Variants in CNTRL observed in about 807,000 individuals in gnomAD.
The protein encoded by CNTRL is 110 kDa centrosomal protein.
In CNTRL, 233 loss-of-function variants were observed where a neutral mutation model predicts 303.7. That is an observed-to-expected ratio of 0.77 (90% CI 0.69 to 0.86). The LOEUF (loss-of-function observed/expected upper bound fraction) is 0.86. Among genes scored for constraint, CNTRL ranks in the 40% least tolerant of loss-of-function variants. The pLI is 0.00. For missense variants in CNTRL, 2,524 were observed against 2,650.6 expected, an observed-to-expected ratio of 0.95 and a Z score of 1.05; for synonymous variants, 900 against 922.2, an observed-to-expected ratio of 0.98 and a Z score of 0.44.
chr9:121,141,487 A>G lies in CNTRL; in HGVS notation c.2590A>G (p.Arg864Gly), dbSNP rs1005694820. The G allele has an allele frequency of 2.5e-6, 4 of 1,614,148 alleles. No homozygotes were observed. Among genetic ancestry groups the G allele is most frequent in the Non-Finnish European group, 3.4e-6 (4 of 1,179,996 alleles). The change falls in exon 18 of 44, where the codon AGA becomes GGA. Residue 864 changes from arginine (R) to glycine (G), a missense_variant. Physicochemically the swap from Arg to Gly is moderately radical, Grantham distance 125. Coordinates refer to ENST00000373855, the MANE Select transcript of CNTRL (RefSeq NM_007018.6). ...SKWERDEAQV[R>G]ERKLQEEMAL... ...GTGGGAAAGAGATGAAGCACAAGTT[A>G]GAGAGAGAAAACTCCAAGAAGAAAT...
chr9:121,142,386 G>C, intron 19 of CNTRL, 116 bp downstream of exon 19: 1 of 860,944 alleles, frequency 1.2e-6, no homozygotes, highest in Non-Finnish European at 1.7e-6. Context: ...TGCATTGCTG[G>C]CACAGTGCTG....
At position 121,090,296 on chromosome 9, in the gene CNTRL, T is replaced by C; in HGVS notation, c.239T>C (p.Val80Ala). 4.4e-6 allele frequency: 7 copies of C among 1,608,612 alleles called. No homozygotes were observed. Among genetic ancestry groups the C allele is most frequent in the Non-Finnish European group, 5.1e-6 (6 of 1,177,632 alleles). ...DHKGADSHAG[V>A]RYITEALIKK... ...TCAGGAGCTGATTCACATGCAGGAG[T>C]TAGATATATTACAGAGGCCCTCATT... The change falls in exon 4 of 44, where the codon GTT (valine) becomes GCT (alanine). Residue 80 changes from valine to alanine, a missense_variant. Physicochemically the swap from Val to Ala is moderately conservative, Grantham distance 64. Transcript: ENST00000373855.
At chr9:121,155,809 C>A (rs1395287074) in intron 27 of CNTRL, among the ~76,000 whole-genome samples, 2 of 152,158 alleles carry the variant, frequency 1.3e-5, no homozygotes, top group African/African-American at 4.8e-5. Flanking sequence ...ATTACTGGCC[C>A]AGAGTCACAT....
At chr9:121,085,794 A>G (rs1414418518) in intron 2 of CNTRL, among the ~76,000 whole-genome samples, 1 of 152,218 alleles carries the variant, frequency 6.6e-6, no homozygotes, top group Non-Finnish European at 1.5e-5. Flanking sequence ...TGATGTGTTC[A>G]GGCAATGACA....
At chr9:121,098,836 A>AAC (rs2049004357) in intron 7 of CNTRL, among the ~76,000 whole-genome samples, 3 of 151,632 alleles carry the variant, frequency 2.0e-5, no homozygotes, top group South Asian at 2.1e-4. Flanking sequence ...AGACAAAAAA[A>AAC]AAAACAAAAA....
intron 9 of CNTRL, among the ~76,000 whole-genome samples, 170 bp from the exon 10 acceptor site, chr9:121,113,332 A>G (rs1243521977): frequency 1.3e-5 from 2 of 152,134 alleles, no homozygotes; most frequent in Non-Finnish European, 2.9e-5. Context: ...CTTTTTTGGT[A>G]TATTAAGAAG....
chr9:121,120,697 T>C (rs1255791995), intron 12 of CNTRL, among the ~76,000 whole-genome samples: 1 of 152,218 alleles, frequency 6.6e-6, no homozygotes, highest in Non-Finnish European at 1.5e-5. Context: ...AAATGACTGT[T>C]ATATTTCTGG....
chr9:121,169,752 A>C lies in CNTRL; in HGVS notation c.6212A>C (p.Lys2071Thr). 1 of 1,614,240 alleles carries C rather than the reference A, an allele frequency of 6.2e-7. No homozygotes were observed. Among genetic ancestry groups the C allele is most frequent in the African/African-American group, 1.3e-5 (1 of 75,062 alleles). Residue 2071 changes from lysine (K) to threonine (T), a missense_variant, in exon 39 of 44, where the codon AAG (lysine) becomes ACG (threonine). Physicochemically the swap from Lys to Thr is moderately conservative, Grantham distance 78. Coordinates refer to ENST00000373855, the MANE Select transcript of CNTRL (RefSeq NM_007018.6). ...TTGACAGAAAGAAAGAAAGCTGAGA[A>C]GCAGGTGGCCAGCCTGAAGGAAGCA... ...QFLTERKKAE[K>T]QVASLKEALK... is the part of the protein sequence containing the mutation.
intron 12 of CNTRL, among the ~76,000 whole-genome samples, chr9:121,122,767 C>T (rs1215154041): frequency 6.6e-6 from 1 of 152,260 alleles, no homozygotes; most frequent in East Asian, 1.9e-4. Context: ...CCTAGCACAC[C>T]TGAGAAATAC....
rs1040629112 is a variant in CNTRL at position 121,132,713 on chromosome 9, G to A, written c.2026-3093G>A. Among the ~76,000 whole-genome samples, 22 of 152,128 alleles carry A rather than the reference G, an allele frequency of 1.4e-4. 1 individual carries two copies. Among genetic ancestry groups the A allele is most frequent in the East Asian group, 3.9e-4 (2 of 5,194 alleles). On this transcript the variant is annotated intron_variant, in intron 14 of 43. Coordinates refer to ENST00000373855, the MANE Select transcript of CNTRL (RefSeq NM_007018.6). ...TGCCATCCTTTGGAGGAGAAGAGGC[G>A]CTCGGTTTTTAGAATTTTCAGCTTT...
intron 4 of CNTRL, among the ~76,000 whole-genome samples, chr9:121,092,476 C>A (rs1040844329): frequency 3.4e-4 from 27 of 79,958 alleles, no homozygotes; most frequent in African/African-American, 1.1e-3. Context: ...TAATATATAT[C>A]TATATATATA....
chr9:121,173,301 C>T lies in CNTRL; in HGVS notation c.6476C>T (p.Thr2159Ile). ...RQMEISDAMRTLKSEVKDEIR... is the reference protein window; with the variant it reads ...RQMEISDAMRILKSEVKDEIR... ...ATGGAAATCAGTGATGCAATGAGGA[C>T]ACTTAAATCTGAGGTGAAGGATGAA... The change falls in exon 41 of 44, where the codon ACA becomes ATA. Residue 2159 changes from threonine (T) to isoleucine (I), a missense_variant. Transcript: ENST00000373855. 6.2e-7 allele frequency: 1 copy of T among 1,613,984 alleles called. No individual in the cohort carries two copies. Among genetic ancestry groups the T allele is most frequent in the Non-Finnish European group, 8.5e-7 (1 of 1,179,946 alleles).
chr9:121,154,338 T>C (rs1198762610), intron 26 of CNTRL, among the ~76,000 whole-genome samples: 2 of 152,232 alleles, frequency 1.3e-5, no homozygotes, highest in Non-Finnish European at 2.9e-5. Context: ...GGGCAGCCTA[T>C]GAACTGCCCT....
intron 14 of CNTRL, among the ~76,000 whole-genome samples, chr9:121,130,993 A>G (rs997713169): frequency 5.9e-5 from 9 of 152,148 alleles, no homozygotes; most frequent in African/African-American, 2.2e-4. Flanking sequence ...GTGGTCTGAG[A>G]GACAGTTTGT....
chr9:121,129,241 A>G (rs201137029), intron 14 of CNTRL, among the ~76,000 whole-genome samples: 1 of 152,108 alleles, frequency 6.6e-6, no homozygotes, highest in East Asian at 1.9e-4. Context: ...CAGTATGGCC[A>G]TTTTCACGGT....
At chr9:121,116,407 G>T (rs1363893063) in intron 11 of CNTRL, among the ~76,000 whole-genome samples, 2 of 151,754 alleles carry the variant, frequency 1.3e-5, no homozygotes, top group African/African-American at 2.4e-5. Context: ...ACAGGGCCTT[G>T]ACTCCTGGGC....
chr9:121,081,777 C>A (rs1008758852), intron 2 of CNTRL, among the ~76,000 whole-genome samples: 4 of 152,180 alleles, frequency 2.6e-5, no homozygotes, highest in African/African-American at 7.2e-5. Flanking sequence ...TTCTCTGGAC[C>A]CTGTCCTTTT....
chr9:121,109,760 C>A lies in CNTRL; in HGVS notation c.1002+1765C>A, dbSNP rs536324384. 2.6e-4 allele frequency among the ~76,000 whole-genome samples: 39 copies of A among 152,198 alleles called. 1 individual carries two copies. In the South Asian group the frequency reaches 8.1e-3, roughly 32 times the overall value. Reference sequence around the variant, plus strand: ...AGGGAAGAAAATACCCAATTTCCAACTAGGTACTATTATTTTGAATTTGTA... The same window carrying A: ...AGGGAAGAAAATACCCAATTTCCAAATAGGTACTATTATTTTGAATTTGTA... On this transcript the variant is annotated intron_variant, in intron 8 of 43. Transcript: ENST00000373855.
intron 10 of CNTRL, among the ~76,000 whole-genome samples, chr9:121,114,029 A>G (rs551730698): frequency 1.3e-5 from 2 of 152,338 alleles, no homozygotes; most frequent in South Asian, 4.1e-4. Flanking sequence ...CACAATTAGT[A>G]ATAACTGAAG....
Sources: allele counts gnomAD v4.1 joint callset (sites outside exome capture counted in the v4.1 genomes callset), GRCh38; gene constraint gnomAD v4.1.1; transcripts MANE v1.5; gene names NCBI Gene and HGNC (gene_info 2026-07-23, HGNC 2026-07-21).